MYH9: variants seen among roughly 807,000 people sequenced by gnomAD.
The protein encoded by MYH9 is myosin heavy chain 9.
In MYH9, 29 loss-of-function variants were observed where a neutral mutation model predicts 241.9. The ratio of observed to expected loss-of-function variants is 0.12; its 90% CI spans 0.09 to 0.16. The LOEUF is 0.16. Ranked by LOEUF, MYH9 falls within the 10% of genes least tolerant of loss-of-function variation. MYH9 has a pLI of 1.00. For missense variants in MYH9, 1,803 were observed against 2,595.5 expected, an observed-to-expected ratio of 0.69 and a Z score of 6.63; for synonymous variants, 1,047 against 1,062.6, an observed-to-expected ratio of 0.99 and a Z score of 0.29.
At chr22:36,290,911 CA>C (rs903724157) in intron 31 of MYH9, among the ~76,000 whole-genome samples, 4 of 151,820 alleles carry the variant, frequency 2.6e-5, no homozygotes, top group Non-Finnish European at 4.4e-5. Context: ...CTCTGCCTGG[CA>C]ACCGCCCCGT....
chr22:36,291,837 G>T, intron 31 of MYH9, 149 bp downstream of exon 31: 1 of 1,159,810 alleles, frequency 8.6e-7, no homozygotes, highest in Non-Finnish European at 1.2e-6. Context: ...CAACAAGCCA[G>T]AGCCTGAGGG....
rs1439334555 is a variant in MYH9 at position 36,284,396 on chromosome 22, C to T, written c.5592+7G>A. On this transcript the variant is annotated splice_region_variant and intron_variant, in intron 39 of 40. Transcript: ENST00000216181. ...TGCCCTTCTCACTGCCCCACCAGCG[C>T]CCACACCTGGTCCTTGTACTGCTCG... is the stretch of plus-strand genomic sequence containing the variant. 38 of 1,611,650 alleles carry T rather than the reference C, an allele frequency of 2.4e-5. No individual in the cohort carries two copies. The highest frequency in any genetic ancestry group is 1.6e-4 in the Middle Eastern group (1 of 6,084).
intron 1 of MYH9, among the ~76,000 whole-genome samples, chr22:36,379,898 C>T (rs1035187283): frequency 1.3e-5 from 2 of 152,232 alleles, no homozygotes; most frequent in East Asian, 3.8e-4. Flanking sequence ...AGAAGCTAAT[C>T]GTGGGAATGG....
Position 36,284,408 on chromosome 22 carries a change from C to T in MYH9, c.5587G>A (p.Asp1863Asn). The T allele has an allele frequency of 1.2e-6, 2 of 1,612,448 alleles. No homozygotes were observed. The highest frequency in any genetic ancestry group is 2.2e-5 in the South Asian group (2 of 91,082). Residue 1863 changes from aspartate (D) to asparagine (N), a missense_variant, in exon 39 of 41, where the codon GAC becomes AAC. Asp to Asn is a conservative substitution (Grantham distance 23). Around this residue, in one of 11 missense-constraint regions of MYH9, gnomAD observed 876 missense variants for 1,077.8 expected, o/e 0.81. Coordinates refer to ENST00000216181, the MANE Select transcript of MYH9 (RefSeq NM_002473.6). The stretch of plus-strand genomic sequence containing the variant: ...TGCCCCACCAGCGCCCACACCTGGT[C>T]CTTGTACTGCTCGGCGTTCCTCCGC... ...DERRNAEQYK[D>N]QADKASTRLK... is the part of the protein sequence containing the mutation.
At chr22:36,307,765 G>A (rs879562077) in intron 15 of MYH9, among the ~76,000 whole-genome samples, 2 of 152,090 alleles carry the variant, frequency 1.3e-5, no homozygotes, top group African/African-American at 2.4e-5. Context: ...GCGGGTGCCT[G>A]TAATCCTAGC....
chr22:36,335,841 AG>A (rs2017489437), intron 3 of MYH9, among the ~76,000 whole-genome samples: 1 of 152,352 alleles, frequency 6.6e-6, no homozygotes, highest in African/African-American at 2.4e-5. Context: ...CTTTTCGACA[AG>A]CCAGTTAACA....
At position 36,284,188 on chromosome 22, in the gene MYH9, G is replaced by A. The variant is rs376839692; in HGVS notation, c.5670C>T (p.Asn1890=). 5.2e-5 allele frequency: 84 copies of A among 1,613,678 alleles called. No individual in the cohort carries two copies. Among genetic ancestry groups the A allele is most frequent in the South Asian group, 1.5e-4 (14 of 91,076 alleles). The part of the protein sequence containing the change: ...EEAEEEAQRA[N]ASRRKLQREL... ...CGCGCTGCAGTTTCCGGCGGGAGGC[G>A]TTGGCCCGCTGGGCCTCCTCTTCGG... Residue 1890 remains asparagine (N), a synonymous_variant, in exon 40 of 41, where the codon AAC becomes AAT. Transcript: ENST00000216181.
In MYH9 at chr22:36,372,051, T is replaced by C. The variant is rs966399739; in HGVS notation, c.-20+15756A>G. 2.6e-5 allele frequency among the ~76,000 whole-genome samples: 4 copies of C among 151,970 alleles called. No individual in the cohort carries two copies. The East Asian group carries it at 7.7e-4, about 29-fold the overall frequency. ...GATATGTATTTAATGAACAAATAAA[T>C]TGAATGAAAATGAAATGTAAACCCA... On this transcript the variant is annotated intron_variant, in intron 1 of 40. Transcript: ENST00000216181.
At chr22:36,360,668 G>A (rs2017923525) in intron 1 of MYH9, among the ~76,000 whole-genome samples, 1 of 149,128 alleles carries the variant, frequency 6.7e-6, no homozygotes, top group Admixed American at 6.7e-5. Context: ...AGCCGAGATC[G>A]CACCACTGCA....
intron 3 of MYH9, among the ~76,000 whole-genome samples, chr22:36,332,151 G>A (rs981087401): frequency 6.6e-6 from 1 of 152,108 alleles, no homozygotes; most frequent in Admixed American, 6.5e-5. Context: ...CACAGCACTC[G>A]GCACCTCCCG....
intron 24 of MYH9, 89 bp from the exon 25 acceptor site, chr22:36,297,103 A>G (rs1603482977): frequency 7.0e-7 from 1 of 1,435,512 alleles, no homozygotes; most frequent in African/African-American, 1.4e-5. Flanking sequence ...AGCACTCGTT[A>G]TGAAACGTGT....
intron 1 of MYH9, among the ~76,000 whole-genome samples, chr22:36,383,894 A>C (rs1190574272): frequency 6.7e-6 from 1 of 149,592 alleles, no homozygotes; most frequent in Admixed American, 6.7e-5. Context: ...CAGGAGGCGG[A>C]GGTTGCAGTG....
chr22:36,372,858 C>T (rs2018109295), intron 1 of MYH9, among the ~76,000 whole-genome samples: 1 of 152,028 alleles, frequency 6.6e-6, no homozygotes, highest in East Asian at 1.9e-4. Context: ...TTCAGGTCAG[C>T]GGGACTTGAG....
At position 36,300,751 on chromosome 22, in the gene MYH9, T is replaced by C. The variant is rs2016863641; in HGVS notation, c.2838+100A>G. 7.2e-7 allele frequency: 1 copy of C among 1,386,832 alleles called. No individual in the cohort carries two copies. The highest frequency in any genetic ancestry group is 1.4e-5 in the African/African-American group (1 of 70,672). 85.9% of individuals were successfully genotyped at this position (1,386,832 alleles called of 1,614,324 possible). ...GCAGATTGCGTGAGGAGCAGCCTCC[T>C]TGGACCCTAATTCCATGTTCTCCCA... On this transcript the variant is annotated intron_variant, in intron 22 of 40. Coordinates refer to ENST00000216181, the MANE Select transcript of MYH9 (RefSeq NM_002473.6). This position sits in a 1 kb window ranked among gnomAD's most constrained non-coding sequence, Gnocchi z 5.0.
intron 1 of MYH9, among the ~76,000 whole-genome samples, chr22:36,362,134 T>C (rs1315326108): frequency 6.6e-6 from 1 of 152,036 alleles, no homozygotes; most frequent in Non-Finnish European, 1.5e-5. Flanking sequence ...AAGTCAGTGG[T>C]TGGAAAATAC....
At chr22:36,303,424 C>T (rs2016916745) in intron 19 of MYH9, among the ~76,000 whole-genome samples, 1 of 151,616 alleles carries the variant, frequency 6.6e-6, no homozygotes, top group African/African-American at 2.4e-5. Flanking sequence ...AAGCAGGATC[C>T]TTCAGGCAGG....
In MYH9 at chr22:36,296,840, C is replaced by A. The variant is rs1238385506; in HGVS notation, c.3272+3G>T. ...GCCTCAGGCGGGCAGGCGGGGTCCT[C>A]ACCTGGCCAGGGCGGCCTGGAGCTC... On this transcript the variant is annotated splice_donor_region_variant and intron_variant, in intron 25 of 40. Transcript: ENST00000216181. 2.5e-6 allele frequency: 4 copies of A among 1,606,740 alleles called. No homozygotes were observed. The highest frequency in any genetic ancestry group is 3.4e-6 in the Non-Finnish European group (4 of 1,177,200).
At chr22:36,337,993 TTTTC>T (rs1198901150) in intron 3 of MYH9, among the ~76,000 whole-genome samples, 1 of 151,008 alleles carries the variant, frequency 6.6e-6, no homozygotes, top group African/African-American at 2.5e-5. Context: ...AGGAACTTTC[TTTTC>T]TTTTTTTTTT....
At chr22:36,301,883 G>A (rs117445857) in intron 20 of MYH9, among the ~76,000 whole-genome samples, 61 of 152,234 alleles carry the variant, frequency 4.0e-4, no homozygotes, top group African/African-American at 9.9e-4. Flanking sequence ...CTGCGTGTGC[G>A]TGAAGATGTT....
Sources: gnomAD v4.1 joint callset for allele counts (sites outside exome capture counted in the v4.1 genomes callset) on GRCh38, gnomAD v4.1.1 for gene constraint, gnomAD v4.1.1 regional missense constraint, Gnocchi (gnomAD v3.1) non-coding constraint, MANE v1.5 for transcripts, NCBI Gene and HGNC (gene_info 2026-07-23, HGNC 2026-07-21) for gene names.